The following HSPA4L variants were observed in gnomAD, a reference collection of about 807,000 sequenced individuals.
HSPA4L encodes heat shock protein family A (Hsp70) member 4 like.
A neutral mutation model predicts 100.3 loss-of-function variants in HSPA4L; 48 were observed. That is an observed-to-expected ratio of 0.48 (90% confidence interval 0.38 to 0.61). The LOEUF (loss-of-function observed/expected upper bound fraction) is 0.61, where lower values mean the gene tolerates loss of function less well. Among genes scored for constraint, HSPA4L ranks in the 20% least tolerant of loss-of-function variants. The pLI, the probability that HSPA4L is intolerant of heterozygous loss-of-function variation, is 0.00. For missense variants in HSPA4L, 886 were observed against 988.6 expected, an observed-to-expected ratio of 0.90 and a Z score of 1.39; for synonymous variants, 319 against 328.2, an observed-to-expected ratio of 0.97 and a Z score of 0.30.
chr4:127,788,628 T>G (rs186889539), intron 1 of HSPA4L, among the ~76,000 whole-genome samples: 3 of 152,330 alleles, frequency 2.0e-5, no homozygotes, highest in African/African-American at 7.2e-5. Flanking sequence ...GCAGAGGTTC[T>G]CAACTGGAGG....
chr4:127,808,000 TG>T lies in HSPA4L; in HGVS notation c.1250del (p.Cys417LeufsTer26). ...AGTTCTTTCCCTCCATTTTAGGGAATGTGAAGTTTTCTGTAAGAACCATCCT... is the reference window on the plus strand; with the variant it reads ...AGTTCTTTCCCTCCATTTTAGGGAATTGAAGTTTTCTGTAAGAACCATCCT... ...KTSFEDGSGE[C>X]EVFCKNHPAP... On this transcript the variant is annotated frameshift_variant, in exon 11 of 19. Coordinates refer to ENST00000296464, the MANE Select transcript of HSPA4L (RefSeq NM_014278.4). LOFTEE classifies it high-confidence loss of function. 6.2e-7 allele frequency: 1 copy of T among 1,607,974 alleles called. No individual in the cohort carries two copies. Among genetic ancestry groups the T allele is most frequent in the Non-Finnish European group, 8.5e-7 (1 of 1,178,436 alleles).
chr4:127,820,155 A>G (rs1457799109), intron 13 of HSPA4L, among the ~76,000 whole-genome samples: 2 of 152,068 alleles, frequency 1.3e-5, no homozygotes, highest in Non-Finnish European at 2.9e-5. Flanking sequence ...ATCCTCAACT[A>G]ACACTTATTA....
At position 127,822,865 on chromosome 4, in the gene HSPA4L, A is replaced by G; in HGVS notation, c.1909A>G (p.Thr637Ala). The change falls in exon 15 of 19, where the codon ACT becomes GCT. Residue 637 changes from threonine (T) to alanine (A), a missense_variant. Transcript: ENST00000296464. ...YVYDFRDRLG[T>A]VYEKFITPED... ...ATATGATTTTAGAGACAGGCTGGGC[A>G]CTGTCTATGAAAAATTCATCACTCC... The G allele has an allele frequency of 6.2e-7, 1 of 1,613,194 alleles. No individual in the cohort carries two copies. The highest frequency in any genetic ancestry group is 1.1e-5 in the South Asian group (1 of 91,018).
At chr4:127,818,450 T>G (rs765896082) in intron 13 of HSPA4L, 30 bp downstream of exon 13, 10 of 1,334,960 alleles carry the variant, frequency 7.5e-6, no homozygotes, top group Non-Finnish European at 1.1e-5. Context: ...TAGTTATGTC[T>G]TTTTGAAATT....
intron 1 of HSPA4L, chr4:127,783,743 AAAAC>A (rs1360946323): frequency 7.1e-7 from 1 of 1,398,862 alleles, no homozygotes; most frequent in African/African-American, 1.4e-5. Flanking sequence ...TAACTATACT[AAAAC>A]AAGGTCAGTG....
intron 14 of HSPA4L, among the ~76,000 whole-genome samples, chr4:127,821,411 A>G (rs1399372978): frequency 6.6e-6 from 1 of 152,180 alleles, no homozygotes; most frequent in Non-Finnish European, 1.5e-5. Flanking sequence ...ATGCATTGTA[A>G]TTTATAAAGG....
At chr4:127,802,326 A>G (rs1260491883) in intron 6 of HSPA4L, among the ~76,000 whole-genome samples, 1 of 152,078 alleles carries the variant, frequency 6.6e-6, no homozygotes, top group African/African-American at 2.4e-5. Flanking sequence ...TCTAATCGTA[A>G]TTTTACTTCT....
intron 8 of HSPA4L, among the ~76,000 whole-genome samples, chr4:127,804,562 C>T (rs781427757): frequency 1.2e-4 from 18 of 151,362 alleles, no homozygotes; most frequent in Non-Finnish European, 1.5e-4. Flanking sequence ...GCTGAGATTA[C>T]GCCATTGCAC....
At chr4:127,804,715 A>G (rs1185421772) in intron 8 of HSPA4L, among the ~76,000 whole-genome samples, 1 of 152,062 alleles carries the variant, frequency 6.6e-6, no homozygotes, top group Non-Finnish European at 1.5e-5. Context: ...TAATGTAGAA[A>G]TGGGGACATA....
upstream of HSPA4L, chr4:127,781,952 A>C: frequency 9.5e-6 from 4 of 423,016 alleles, no homozygotes; most frequent in South Asian, 6.6e-5. Flanking sequence ...AAACAACCCA[A>C]AAATGTGCCT....
intron 12 of HSPA4L, 123 bp from the exon 13 acceptor site, chr4:127,818,202 T>G (rs1380888166): frequency 1.9e-6 from 1 of 535,138 alleles, no homozygotes; most frequent in African/African-American, 1.9e-5. Flanking sequence ...AAAAATGAGC[T>G]TCTACTTAAC....
At position 127,822,674 on chromosome 4, in the gene HSPA4L, T is replaced by C. The variant is rs548336930; in HGVS notation, c.1813-95T>C. ...TGAATACTTATTTTTTGTATTGTAA[T>C]CATCCTAGTGAGTGTGAAGTGGTAT... On this transcript the variant is annotated intron_variant, in intron 14 of 18. Coordinates refer to ENST00000296464, the MANE Select transcript of HSPA4L (RefSeq NM_014278.4). 1.1e-4 allele frequency: 132 copies of C among 1,152,748 alleles called. 3 individuals are homozygous for C. The South Asian group carries it at 2.0e-3, about 17-fold the overall frequency. The allele number at this position is 1,152,748 out of a possible 1,614,324, so 71.4% of individuals were successfully genotyped here. A position where few individuals can be genotyped will look rare whatever the true frequency, so the allele number is the denominator to read the frequency against.
chr4:127,803,844 T>C lies in HSPA4L; in HGVS notation c.879T>C (p.Asn293=), dbSNP rs1578701738. 1.2e-6 allele frequency: 2 copies of C among 1,613,626 alleles called. No homozygotes were observed. Among genetic ancestry groups the C allele is most frequent in the South Asian group, 2.2e-5 (2 of 91,058 alleles). The change falls in exon 7 of 19, where the codon AAT becomes AAC. Residue 293 remains asparagine, a synonymous_variant. Transcript: ENST00000296464. ...DLPLNIECFM[N]DLDVSSKMNR... is the part of the protein sequence containing the mutation. ...CATTGAACATTGAGTGTTTCATGAATGACCTTGATGTTTCTAGTAAAATGA... is the reference window on the plus strand; with the variant it reads ...CATTGAACATTGAGTGTTTCATGAACGACCTTGATGTTTCTAGTAAAATGA...
intron 8 of HSPA4L, 130 bp downstream of exon 8, chr4:127,804,217 G>A: frequency 1.4e-6 from 1 of 697,300 alleles, no homozygotes; most frequent in Non-Finnish European, 2.4e-6. Context: ...TTTAGGGAAG[G>A]AGATTATAAC....
At position 127,830,770 on chromosome 4, in the gene HSPA4L, A is replaced by G; in HGVS notation, c.2299A>G (p.Lys767Glu). Residue 767 changes from lysine (K) to glutamate (E), a missense_variant, in exon 18 of 19, where the codon AAA (lysine) becomes GAA (glutamate). Transcript: ENST00000296464. ...AAGTCTCACTCAAGATCCTGTGGTA[A>G]AAGTTTCAGAAATAGTAGCAAAGTC... is the stretch of plus-strand genomic sequence containing the variant. ...KLSLTQDPVV[K>E]VSEIVAKSKE... is the part of the protein sequence containing the mutation. The G allele has an allele frequency of 6.3e-7, 1 of 1,593,308 alleles. No homozygotes were observed. Among genetic ancestry groups the G allele is most frequent in the Non-Finnish European group, 8.5e-7 (1 of 1,172,766 alleles).
rs1012655404 is a variant in HSPA4L at position 127,835,010 on chromosome 4, C to T, written c.*2136C>T. On this transcript the variant is annotated 3_prime_UTR_variant, in exon 19 of 19. Coordinates refer to ENST00000296464, the MANE Select transcript of HSPA4L (RefSeq NM_014278.4). ...TATTCAACTTAAAAGATTTCAAAAA[C>T]GATTTAGCCTTATAATGTATTTATT... 3 of 152,172 alleles carry T rather than the reference C, an allele frequency of 2.0e-5. No homozygotes were observed. The highest frequency in any genetic ancestry group is 4.4e-5 in the Non-Finnish European group (3 of 67,988). The allele number at this position is 152,172 out of a possible 1,614,324, so 9.4% of individuals were successfully genotyped here.
intron 4 of HSPA4L, among the ~76,000 whole-genome samples, chr4:127,799,221 A>G (rs1247430598): frequency 6.6e-6 from 1 of 152,176 alleles, no homozygotes; most frequent in Non-Finnish European, 1.5e-5. Flanking sequence ...CAAAAGTTCA[A>G]GAGTCTTATG....
At position 127,807,978 on chromosome 4, in the gene HSPA4L, T is replaced by C; in HGVS notation, c.1245-18T>C. Reference sequence around the variant, plus strand: ...ACTTTCTATTTGTTTCTAAGTGAGTTCTTTCCCTCCATTTTAGGGAATGTG... The same window carrying C: ...ACTTTCTATTTGTTTCTAAGTGAGTCCTTTCCCTCCATTTTAGGGAATGTG... On this transcript the variant is annotated intron_variant, in intron 10 of 18. Transcript: ENST00000296464. 6.2e-7 allele frequency: 1 copy of C among 1,603,536 alleles called. No homozygotes were observed. Among genetic ancestry groups the C allele is most frequent in the Non-Finnish European group, 8.5e-7 (1 of 1,177,024 alleles).
In HSPA4L at chr4:127,840,375, A is replaced by G. The variant is rs1734339195; in HGVS notation, c.*7501A>G. 1 of 152,210 alleles carries G rather than the reference A, an allele frequency of 6.6e-6. No individual in the cohort carries two copies. Among genetic ancestry groups the G allele is most frequent in the Admixed American group, 6.5e-5 (1 of 15,280 alleles). The allele number at this position is 152,210 out of a possible 1,614,324, so 9.4% of individuals were successfully genotyped here. ...TTCTCAATTTCTCAGTTTGTTTTCA[A>G]TACAAACAGCAACCACTGAAATGCA... On this transcript the variant is annotated 3_prime_UTR_variant, in exon 19 of 19. Transcript: ENST00000296464.
Sources: gnomAD v4.1 joint callset for allele counts (sites outside exome capture counted in the v4.1 genomes callset) on GRCh38, gnomAD v4.1.1 for gene constraint, MANE v1.5 for transcripts, NCBI Gene and HGNC (gene_info 2026-07-23, HGNC 2026-07-21) for gene names.